Variants in FHOD3 observed in about 807,000 individuals in gnomAD.
FHOD3 encodes formin homology 2 domain containing 3.
In FHOD3, 90 loss-of-function variants were observed where a neutral mutation model predicts 173.0. The observed-to-expected ratio is 0.52, with a 90% confidence interval of 0.44 to 0.62. The LOEUF (loss-of-function observed/expected upper bound fraction) is 0.62, where lower values mean the gene tolerates loss of function less well. Ranked by LOEUF, FHOD3 falls within the 20% of genes least tolerant of loss-of-function variation. FHOD3 has a pLI of 0.00. For synonymous variants in FHOD3, 828 were observed against 823.0 expected (o/e 1.01, Z -0.10); for missense variants, 1,945 against 2,034.7 (o/e 0.96, Z 0.85).
intron 17 of FHOD3, among the ~76,000 whole-genome samples, chr18:36,695,366 A>G (rs1218428786): frequency 6.6e-6 from 1 of 152,034 alleles, no homozygotes; most frequent in Non-Finnish European, 1.5e-5. Context: ...AAAAAAAAAA[A>G]AAGAATATTT....
At chr18:36,468,970 A>G (rs1312125806) in intron 3 of FHOD3, among the ~76,000 whole-genome samples, 1 of 152,190 alleles carries the variant, frequency 6.6e-6, no homozygotes. Context: ...GGAGTCGGAC[A>G]GTTAACAAGT....
chr18:36,613,632 A>G (rs2032914528), intron 9 of FHOD3, among the ~76,000 whole-genome samples: 2 of 152,290 alleles, frequency 1.3e-5, no homozygotes, highest in Non-Finnish European at 2.9e-5. Flanking sequence ...TGTCATTGCA[A>G]GAGCCTTTGG....
intron 1 of FHOD3, among the ~76,000 whole-genome samples, chr18:36,310,057 T>A (rs917825636): frequency 6.6e-6 from 1 of 152,200 alleles, no homozygotes; most frequent in Non-Finnish European, 1.5e-5. Flanking sequence ...TGGCTCCCTG[T>A]CTCCATCTGT....
intron 14 of FHOD3, among the ~76,000 whole-genome samples, chr18:36,668,634 C>G (rs1484991502): frequency 6.6e-6 from 1 of 151,962 alleles, no homozygotes; most frequent in Non-Finnish European, 1.5e-5. Flanking sequence ...AAATTTTCCT[C>G]TAAGTATTGC....
intron 3 of FHOD3, among the ~76,000 whole-genome samples, chr18:36,498,621 A>C (rs1479740220): frequency 1.3e-5 from 2 of 152,206 alleles, no homozygotes; most frequent in African/African-American, 2.4e-5. Context: ...GATAATCAGA[A>C]TAGCCCTACA....
At chr18:36,382,874 G>A (rs750827721) in intron 3 of FHOD3, among the ~76,000 whole-genome samples, 1 of 152,178 alleles carries the variant, frequency 6.6e-6, no homozygotes, top group Non-Finnish European at 1.5e-5. Context: ...TTCTAGCTTT[G>A]ATGTTTGGGC....
At chr18:36,608,061 A>G (rs573003927) in intron 8 of FHOD3, among the ~76,000 whole-genome samples, 15 of 152,232 alleles carry the variant, frequency 9.9e-5, no homozygotes, top group African/African-American at 3.6e-4. Flanking sequence ...TGCTTCTCCA[A>G]ATTTTTCCAG....
At chr18:36,743,504 A>C (rs2042008785) in intron 22 of FHOD3, among the ~76,000 whole-genome samples, 1 of 152,092 alleles carries the variant, frequency 6.6e-6, no homozygotes, top group African/African-American at 2.4e-5. Context: ...CATGCTTATA[A>C]GCATTTTGAT....
At chr18:36,367,827 G>T (rs907314499) in intron 2 of FHOD3, among the ~76,000 whole-genome samples, 6 of 152,130 alleles carry the variant, frequency 3.9e-5, no homozygotes, top group African/African-American at 1.4e-4. Context: ...CATGGGGGCA[G>T]TTTCCCCCAT....
chr18:36,361,721 T>C (rs1311224385), intron 2 of FHOD3, among the ~76,000 whole-genome samples: 2 of 150,062 alleles, frequency 1.3e-5, no homozygotes, highest in Non-Finnish European at 3.0e-5. Flanking sequence ...AGAAAAATGC[T>C]GTCCAGGTGG....
intron 6 of FHOD3, among the ~76,000 whole-genome samples, chr18:36,594,317 C>T (rs557832461): frequency 4.9e-4 from 74 of 152,114 alleles, no homozygotes; most frequent in Middle Eastern, 3.4e-3. Flanking sequence ...TACTTGGTTC[C>T]GGTTCCCTTC....
intron 3 of FHOD3, among the ~76,000 whole-genome samples, chr18:36,459,808 CAATT>C (rs1407636962): frequency 3.9e-5 from 6 of 152,148 alleles, no homozygotes; most frequent in Non-Finnish European, 7.3e-5. Flanking sequence ...ACTTTTGTCA[CAATT>C]AATGTTATCT....
chr18:36,523,082 C>G (rs927256544), intron 5 of FHOD3, among the ~76,000 whole-genome samples: 1 of 152,182 alleles, frequency 6.6e-6, no homozygotes, highest in African/African-American at 2.4e-5. Context: ...CCCTAGCCCC[C>G]CAACCACACT....
At chr18:36,449,704 G>A (rs951132164) in intron 3 of FHOD3, among the ~76,000 whole-genome samples, 16 of 152,118 alleles carry the variant, frequency 1.1e-4, no homozygotes, top group African/African-American at 3.6e-4. Flanking sequence ...ATGGCATTCC[G>A]TTCCTCTTGT....
intron 6 of FHOD3, among the ~76,000 whole-genome samples, chr18:36,592,620 G>A (rs888666325): frequency 1.3e-5 from 2 of 152,220 alleles, no homozygotes; most frequent in South Asian, 2.1e-4. Flanking sequence ...GCGGTTTGGA[G>A]AATGGACTTC....
chr18:36,430,690 T>C (rs564894884), intron 3 of FHOD3, among the ~76,000 whole-genome samples: 335 of 152,318 alleles, frequency 2.2e-3, no homozygotes, highest in Non-Finnish European at 3.9e-3. Flanking sequence ...GAATATGGGT[T>C]AGCTAGGAGT....
At chr18:36,643,240 T>C (rs1184011726) in intron 10 of FHOD3, among the ~76,000 whole-genome samples, 1 of 152,180 alleles carries the variant, frequency 6.6e-6, no homozygotes, top group African/African-American at 2.4e-5. Flanking sequence ...TCAGTATCCC[T>C]AGGGAAGGTT....
chr18:36,739,537 C>A (rs1338207036), intron 20 of FHOD3, among the ~76,000 whole-genome samples: 2 of 152,216 alleles, frequency 1.3e-5, no homozygotes, highest in Non-Finnish European at 2.9e-5. Flanking sequence ...TGAATTAAAT[C>A]TATAGATCAA....
intron 23 of FHOD3, among the ~76,000 whole-genome samples, chr18:36,746,473 A>G (rs1484841268): frequency 6.6e-6 from 1 of 152,234 alleles, no homozygotes; most frequent in Non-Finnish European, 1.5e-5. Context: ...CACTCACATT[A>G]TAAAGGAGAT....
Sources: gnomAD v4.1 joint callset for allele counts (sites outside exome capture counted in the v4.1 genomes callset) on GRCh38, gnomAD v4.1.1 for gene constraint, MANE v1.5 for transcripts, NCBI Gene and HGNC (gene_info 2026-07-23, HGNC 2026-07-21) for gene names.